Variants in ZNF69 observed in about 807,000 individuals in gnomAD.
ZNF69 encodes the protein zinc finger protein 69, also known as ZNF3.
In ZNF69, 47 loss-of-function variants were observed where a neutral mutation model predicts 50.9. The observed-to-expected ratio is 0.92, with a 90% CI of 0.73 to 1.18. ZNF69 has a LOEUF of 1.18. Ranked by LOEUF, ZNF69 falls within the 50% of genes most tolerant of loss-of-function variation. The pLI, the probability that ZNF69 is intolerant of heterozygous loss-of-function variation, is 0.00. For missense variants in ZNF69, 717 were observed against 675.1 expected (o/e 1.06, Z -0.69); for synonymous variants, 216 against 223.1 (o/e 0.97, Z 0.29).
At chr19:11,950,345 CTT>C in the ZNF69 span, 1 of 1,293,090 alleles carries the variant, frequency 7.7e-7, no homozygotes, top group East Asian at 2.4e-5. Context: ...TTTTCCAGTT[CTT>C]TTCGATATCA....
At chr19:11,891,488 T>C (rs577791471) in intron 1 of ZNF69, among the ~76,000 whole-genome samples, 1 of 151,130 alleles carries the variant, frequency 6.6e-6, no homozygotes, top group African/African-American at 2.4e-5. Flanking sequence ...TGTTACAGAG[T>C]AGGGCATCCT....
the ZNF69 span, among the ~76,000 whole-genome samples, chr19:11,941,229 T>A: frequency 6.6e-6 from 1 of 152,380 alleles, no homozygotes; most frequent in Non-Finnish European, 1.5e-5. Context: ...CCCAGATGGC[T>A]TCACCCAGTG....
At chr19:11,899,376 G>GC (rs1835101216) in intron 1 of ZNF69, among the ~76,000 whole-genome samples, 1 of 152,148 alleles carries the variant, frequency 6.6e-6, no homozygotes, top group Admixed American at 6.6e-5. Context: ...TGATCCTCCT[G>GC]CCTGAGCTTC....
the ZNF69 span, chr19:11,977,261 C>T: frequency 6.2e-7 from 1 of 1,603,414 alleles, no homozygotes; most frequent in Non-Finnish European, 8.5e-7. Flanking sequence ...ACAGGAAATA[C>T]TTTGATGAAT....
the ZNF69 span, among the ~76,000 whole-genome samples, chr19:11,967,022 A>G: frequency 3.9e-5 from 6 of 152,148 alleles, no homozygotes; most frequent in Non-Finnish European, 5.9e-5. Context: ...CGCAATGTAC[A>G]GTGTGTAGAG....
the ZNF69 span, chr19:11,950,016 A>G: frequency 6.2e-7 from 1 of 1,614,080 alleles, no homozygotes; most frequent in Non-Finnish European, 8.5e-7. Flanking sequence ...CTTCTTTTCA[A>G]ATACATGAAA....
chr19:11,971,159 C>T, the ZNF69 span, among the ~76,000 whole-genome samples: 3 of 152,106 alleles, frequency 2.0e-5, no homozygotes, highest in Non-Finnish European at 4.4e-5. Context: ...TTGTTTCTGA[C>T]AGTTCTTGAG....
Position 11,906,674 on chromosome 19 carries a change from A to G in ZNF69, c.*576A>G, listed in dbSNP as rs1972380926. On this transcript the variant is annotated 3_prime_UTR_variant, in exon 4 of 4. Transcript: ENST00000429654. ...CAACCACACCAAAACCCATCTGTAC[A>G]TCACCATCATCAAAGACCAAAAGTA... is the stretch of plus-strand genomic sequence containing the variant. Among the ~76,000 whole-genome samples, 1 of 152,208 alleles carries G rather than the reference A, an allele frequency of 6.6e-6. No homozygotes were observed. The highest frequency in any genetic ancestry group is 1.5e-5 in the Non-Finnish European group (1 of 68,036).
At chr19:11,894,427 A>T (rs944138134) in intron 1 of ZNF69, among the ~76,000 whole-genome samples, 2 of 152,144 alleles carry the variant, frequency 1.3e-5, no homozygotes, top group African/African-American at 4.8e-5. Context: ...GGCATGAGAT[A>T]CCCCACCTGG....
At chr19:11,940,833 C>G in the ZNF69 span, among the ~76,000 whole-genome samples, 1 of 152,036 alleles carries the variant, frequency 6.6e-6, no homozygotes, top group African/African-American at 2.4e-5. Flanking sequence ...CTCCACGTCC[C>G]CCCCAGATTA....
the ZNF69 span, among the ~76,000 whole-genome samples, chr19:11,936,555 T>G: frequency 1.3e-5 from 2 of 152,168 alleles, no homozygotes; most frequent in African/African-American, 4.8e-5. Flanking sequence ...TTCTTGTAAG[T>G]TTGTTTGAGT....
the ZNF69 span, among the ~76,000 whole-genome samples, chr19:11,940,508 G>A: frequency 7.5e-3 from 1,137 of 152,056 alleles, 13 homozygotes; most frequent in African/African-American, 0.027. Context: ...GGAGTTCTTC[G>A]TTCCTCCTGG....
chr19:11,949,871 G>A, the ZNF69 span: 7 of 1,614,010 alleles, frequency 4.3e-6, no homozygotes, highest in African/African-American at 6.7e-5. Flanking sequence ...ACTCACACTG[G>A]AGAGAAACCC....
At chr19:11,977,430 A>G in the ZNF69 span, 1 of 1,613,970 alleles carries the variant, frequency 6.2e-7, no homozygotes. Flanking sequence ...GAGAAACTTC[A>G]GGTAATTGGC....
At chr19:11,922,028 C>T in the ZNF69 span, among the ~76,000 whole-genome samples, 1 of 152,042 alleles carries the variant, frequency 6.6e-6, no homozygotes, top group Admixed American at 6.6e-5. Flanking sequence ...CCTAGCAGCT[C>T]ACTTCCAGGA....
At chr19:11,979,309 G>C in the ZNF69 span, 1 of 1,608,898 alleles carries the variant, frequency 6.2e-7, no homozygotes, top group Admixed American at 1.7e-5. Flanking sequence ...CTTCAGATGT[G>C]CCCCACACCT....
the ZNF69 span, among the ~76,000 whole-genome samples, chr19:11,951,073 C>T: frequency 6.7e-6 from 1 of 149,174 alleles, no homozygotes; most frequent in African/African-American, 2.5e-5. Flanking sequence ...ATCGCTTGAA[C>T]CTGGGAGGCG....
intron 4 of ZNF69, among the ~76,000 whole-genome samples, chr19:11,913,025 G>C (rs932618279): frequency 9.2e-5 from 14 of 152,076 alleles, no homozygotes; most frequent in Admixed American, 9.2e-4. Flanking sequence ...GTGAAACCCT[G>C]TCTCTACTAA....
chr19:11,895,486 A>G lies in ZNF69; in HGVS notation c.63+7500A>G, dbSNP rs574248216. On this transcript the variant is annotated intron_variant, in intron 1 of 3. Transcript: ENST00000429654. ...AAGCAGGCACTAGTTCTGTGAAGTC[A>G]TACTGTGATTAAGAGGTGGTCTGTA... 2.6e-3 allele frequency among the ~76,000 whole-genome samples: 401 copies of G among 152,312 alleles called. 5 individuals carry two copies. Among genetic ancestry groups the G allele is most frequent in the African/African-American group, 8.6e-3 (357 of 41,570 alleles).
Sources: gnomAD v4.1 joint callset for allele counts (sites outside exome capture counted in the v4.1 genomes callset) on GRCh38, gnomAD v4.1.1 for gene constraint, MANE v1.5 for transcripts, NCBI Gene and HGNC (gene_info 2026-07-23, HGNC 2026-07-21) for gene names.